SORCS3: variants seen among roughly 807,000 people sequenced by gnomAD.
SORCS3 encodes the protein sortilin related VPS10 domain containing receptor 3, also known as VPS10 domain-containing receptor SorCS3.
Under a neutral mutation model 146.3 loss-of-function variants are expected in SORCS3, and 57 were observed. That is an observed-to-expected ratio of 0.39 (90% CI 0.31 to 0.49). SORCS3 has a LOEUF of 0.49. Among genes scored for constraint, SORCS3 ranks in the 20% least tolerant of loss-of-function variants. The pLI is 0.92. For synonymous variants in SORCS3, 653 were observed against 618.5 expected, an observed-to-expected ratio of 1.06 and a Z score of -0.83; for missense variants, 1,341 against 1,575.5, an observed-to-expected ratio of 0.85 and a Z score of 2.52.
chr10:104,668,545 A>G (rs1366845848), intron 1 of SORCS3, among the ~76,000 whole-genome samples: 2 of 152,196 alleles, frequency 1.3e-5, no homozygotes, highest in Non-Finnish European at 2.9e-5. Flanking sequence ...ATTTGTACCT[A>G]CTTCATAATG....
intron 20 of SORCS3, among the ~76,000 whole-genome samples, chr10:105,235,302 TC>T (rs2056786813): frequency 6.6e-6 from 1 of 152,006 alleles, no homozygotes; most frequent in Non-Finnish European, 1.5e-5. Context: ...ATAATTATTT[TC>T]CCCCTCCCCT....
chr10:104,815,572 C>A (rs1437856429), intron 1 of SORCS3, among the ~76,000 whole-genome samples: 3 of 150,416 alleles, frequency 2.0e-5, no homozygotes, highest in Non-Finnish European at 3.0e-5. Flanking sequence ...CCTAATTATT[C>A]AAAAATATTA....
chr10:104,658,515 C>T (rs1355458767), intron 1 of SORCS3, among the ~76,000 whole-genome samples: 1 of 152,122 alleles, frequency 6.6e-6, no homozygotes, highest in African/African-American at 2.4e-5. Flanking sequence ...TCACTTGGCT[C>T]AGTTTGTATT....
intron 3 of SORCS3, among the ~76,000 whole-genome samples, chr10:104,953,876 C>A (rs536197479): frequency 5.6e-4 from 86 of 152,268 alleles, no homozygotes; most frequent in African/African-American, 2.0e-3. Context: ...CAATAAATGA[C>A]ACAAAAGCAT....
At position 104,779,776 on chromosome 10, in the gene SORCS3, G is replaced by A. The variant is rs187622702; in HGVS notation, c.628-63016G>A. 1.6e-3 allele frequency among the ~76,000 whole-genome samples: 240 copies of A among 152,204 alleles called. 3 individuals are homozygous for A. Among genetic ancestry groups the A allele is most frequent in the African/African-American group, 5.1e-3 (211 of 41,528 alleles). ...TGCCTGTACCTCCCGGTGACTATGA[G>A]GATGGCAGGTGAGGGCCTCTTCATT... On this transcript the variant is annotated intron_variant, in intron 1 of 26. Transcript: ENST00000369701.
chr10:105,071,336 C>A (rs954325173), intron 5 of SORCS3, among the ~76,000 whole-genome samples: 3 of 152,190 alleles, frequency 2.0e-5, no homozygotes, highest in Non-Finnish European at 4.4e-5. Flanking sequence ...TTCTGTTTTC[C>A]TCATGAAGCA....
At chr10:105,078,784 G>T (rs541465916) in intron 5 of SORCS3, among the ~76,000 whole-genome samples, 1 of 152,258 alleles carries the variant, frequency 6.6e-6, no homozygotes, top group Non-Finnish European at 1.5e-5. Context: ...CCTCCCCATT[G>T]TGCCGATGAA....
chr10:105,099,618 C>A (rs791112), intron 6 of SORCS3, among the ~76,000 whole-genome samples: 1 of 151,992 alleles, frequency 6.6e-6, no homozygotes, highest in Non-Finnish European at 1.5e-5. Flanking sequence ...AGAGGTGATC[C>A]TTTTGGAAAG....
At chr10:105,166,184 T>C (rs933457286) in intron 12 of SORCS3, among the ~76,000 whole-genome samples, 3 of 152,180 alleles carry the variant, frequency 2.0e-5, no homozygotes, top group Non-Finnish European at 4.4e-5. Context: ...GAGAAACTAC[T>C]TTTCTCTCTA....
chr10:105,009,550 A>C (rs953113526), intron 4 of SORCS3, among the ~76,000 whole-genome samples: 7 of 142,260 alleles, frequency 4.9e-5, no homozygotes, highest in Non-Finnish European at 9.2e-5. Context: ...AAAAAAAAAA[A>C]ACCCCAAAAA....
At chr10:105,095,772 G>T (rs536915094) in intron 6 of SORCS3, among the ~76,000 whole-genome samples, 2 of 152,096 alleles carry the variant, frequency 1.3e-5, no homozygotes, top group East Asian at 3.9e-4. Context: ...TCTAATTCCG[G>T]TTTTTCCACT....
In SORCS3 at chr10:104,957,994, G is replaced by A. The variant is rs141048546; in HGVS notation, c.796-19341G>A. ...CCGAAGGGATGATCCCATAAAAGTA[G>A]GATGATGGTGGGTAGAGCAGGATGA... On this transcript the variant is annotated intron_variant, in intron 3 of 26. Transcript: ENST00000369701. Among the ~76,000 whole-genome samples, 9 of 152,210 alleles carry A rather than the reference G, an allele frequency of 5.9e-5. No homozygotes were observed. In the East Asian group the frequency reaches 1.5e-3, roughly 26 times the overall value.
At chr10:105,160,442 C>T (rs2056252484) in intron 11 of SORCS3, among the ~76,000 whole-genome samples, 1 of 152,154 alleles carries the variant, frequency 6.6e-6, no homozygotes, top group African/African-American at 2.4e-5. Flanking sequence ...GCCTGGACAA[C>T]ATGGTGAAAC....
chr10:105,110,274 C>T (rs2133756749), intron 7 of SORCS3, among the ~76,000 whole-genome samples: 1 of 151,994 alleles, frequency 6.6e-6, no homozygotes, highest in Middle Eastern at 3.4e-3. Context: ...CTGCTTCAAA[C>T]CCTTCTCTTA....
intron 1 of SORCS3, among the ~76,000 whole-genome samples, chr10:104,718,820 G>A (rs2016510150): frequency 6.6e-6 from 1 of 152,140 alleles, no homozygotes; most frequent in Admixed American, 6.5e-5. Flanking sequence ...TTAGGAATAT[G>A]CCATTATGGA....
intron 1 of SORCS3, among the ~76,000 whole-genome samples, chr10:104,832,632 C>T (rs143655337): frequency 5.8e-4 from 89 of 152,266 alleles, no homozygotes; most frequent in African/African-American, 1.9e-3. Context: ...GCAGGAGAAT[C>T]GTTTGAACCC....
In SORCS3 at chr10:104,658,829, C is replaced by CT. The variant is rs199582553; in HGVS notation, c.627+16884dup. Among the ~76,000 whole-genome samples the CT allele has an allele frequency of 1.0e-4, 15 of 150,102 alleles. No homozygotes were observed. In the East Asian group the frequency reaches 1.2e-3, roughly 12 times the overall value. ...TGGAGTGCAGGGTTATAAATAAGCA[C>CT]TTTTTTTTTGTCTTTTGTTTTTTGT... On this transcript the variant is annotated intron_variant, in intron 1 of 26. Coordinates refer to ENST00000369701, the MANE Select transcript of SORCS3 (RefSeq NM_014978.3).
intron 11 of SORCS3, 79 bp downstream of exon 11, chr10:105,159,073 C>A: frequency 1.0e-6 from 1 of 987,070 alleles, no homozygotes; most frequent in Non-Finnish European, 1.5e-6. Flanking sequence ...GGATCATGGA[C>A]TCACTTGAGC....
intron 14 of SORCS3, among the ~76,000 whole-genome samples, chr10:105,196,843 A>G (rs746096729): frequency 5.3e-5 from 8 of 152,144 alleles, no homozygotes; most frequent in Non-Finnish European, 1.2e-4. Context: ...TAACAAATTT[A>G]GTGGCTTAAA....
Sources: gnomAD v4.1 joint callset for allele counts (sites outside exome capture counted in the v4.1 genomes callset) on GRCh38, gnomAD v4.1.1 for gene constraint, MANE v1.5 for transcripts, NCBI Gene and HGNC (gene_info 2026-07-23, HGNC 2026-07-21) for gene names.